The following LDLRAD4 variants were observed in gnomAD, a reference collection of about 807,000 sequenced individuals.
LDLRAD4 encodes low-density lipoprotein receptor class A domain-containing protein 4.
A neutral mutation model predicts 17.0 loss-of-function variants in LDLRAD4; 5 were observed. That is an observed-to-expected ratio of 0.29 (90% CI 0.15 to 0.62). LDLRAD4 has a LOEUF of 0.62. LDLRAD4 is among the 20% of genes least tolerant of loss of function. The pLI, the probability that LDLRAD4 is intolerant of heterozygous loss-of-function variation, is 0.84. For synonymous variants in LDLRAD4, 168 were observed against 171.8 expected (o/e 0.98, Z 0.17); for missense variants, 340 against 424.7 (o/e 0.80, Z 1.75).
At chr18:13,637,532 C>T (rs993238598) in intron 4 of LDLRAD4, among the ~76,000 whole-genome samples, 3 of 152,044 alleles carry the variant, frequency 2.0e-5, no homozygotes, top group Non-Finnish European at 4.4e-5. Flanking sequence ...AAGGAAATGT[C>T]AATGAACTTG....
chr18:13,643,514 C>G, intron 5 of LDLRAD4, 102 bp downstream of exon 6: 1 of 596,540 alleles, frequency 1.7e-6, no homozygotes, highest in Non-Finnish European at 2.6e-6. Flanking sequence ...AGGGGCCTCA[C>G]CACGTGGGCT....
At chr18:13,400,447 G>A (rs895880361) in intron 2 of LDLRAD4, among the ~76,000 whole-genome samples, 4 of 152,222 alleles carry the variant, frequency 2.6e-5, no homozygotes, top group African/African-American at 4.8e-5. Context: ...ACCTGTCATG[G>A]CACTGGGACT....
intron 1 of LDLRAD4, among the ~76,000 whole-genome samples, chr18:13,321,484 T>G (rs1431525779): frequency 6.6e-6 from 1 of 152,230 alleles, no homozygotes; most frequent in African/African-American, 2.4e-5. Flanking sequence ...TGTGTCCTCT[T>G]GTTTCTAGTC....
chr18:13,338,489 G>A (rs1490432793), intron 1 of LDLRAD4, among the ~76,000 whole-genome samples: 1 of 152,170 alleles, frequency 6.6e-6, no homozygotes, highest in Non-Finnish European at 1.5e-5. Flanking sequence ...CTTCAGTGTA[G>A]CGTTGGTGGA....
Position 13,560,186 on chromosome 18 carries a change from G to A in LDLRAD4, c.182-60931G>A, listed in dbSNP as rs144481472. On this transcript the variant is annotated intron_variant, in intron 3 of 5. Transcript: ENST00000359446. ...ATGGAATTATTTTCAGGGAATTGAA[G>A]CCCTAGAGGGTGTCCCCCTGCTTTT... is the stretch of plus-strand genomic sequence containing the variant. Among the ~76,000 whole-genome samples the A allele has an allele frequency of 2.6e-5, 4 of 152,290 alleles. No individual in the cohort carries two copies. In the East Asian group the frequency reaches 7.7e-4, roughly 29 times the overall value.
exon 6 of LDLRAD4, chr18:13,649,941 T>C (rs1568462484): frequency 5.0e-6 from 2 of 397,508 alleles, no homozygotes; most frequent in Non-Finnish European, 8.9e-6. Flanking sequence ...GAATGACAGG[T>C]GGGCAAAGGG....
intron 1 of LDLRAD4, among the ~76,000 whole-genome samples, chr18:13,370,097 G>A (rs546607268): frequency 2.6e-5 from 4 of 152,382 alleles, no homozygotes; most frequent in African/African-American, 9.6e-5. Flanking sequence ...CTGCCACACA[G>A]GGAGCTGTGT....
intron 1 of LDLRAD4, among the ~76,000 whole-genome samples, chr18:13,269,663 G>A (rs545396999): frequency 9.2e-5 from 14 of 152,086 alleles, no homozygotes; most frequent in Non-Finnish European, 1.3e-4. Flanking sequence ...CGAGCTGTCC[G>A]ACGTCATGTG....
chr18:13,536,988 G>GTAT (rs2094209705), intron 3 of LDLRAD4, among the ~76,000 whole-genome samples: 2 of 152,208 alleles, frequency 1.3e-5, no homozygotes, highest in South Asian at 4.1e-4. Context: ...TGGCCATGAT[G>GTAT]TATTATTCCT....
Position 13,387,750 on chromosome 18 carries a change from A to G in LDLRAD4, c.28A>G (p.Asn10Asp), listed in dbSNP as rs1027964038. ...GCCGGAAGCTGGTTTTCAGGCCACA[A>G]ATGCTTTCACAGGTGAGCATGCTCC... Residue 10 changes from asparagine (N) to aspartate (D), a missense_variant, in exon 2 of 6, where the codon AAT becomes GAT. Physicochemically the swap from Asn to Asp is conservative, Grantham distance 23. Coordinates refer to ENST00000359446, the Ensembl canonical transcript of LDLRAD4. The G allele has an allele frequency of 9.9e-6, 16 of 1,613,966 alleles. No individual in the cohort carries two copies. Among genetic ancestry groups the G allele is most frequent in the Middle Eastern group, 3.3e-4 (2 of 6,062 alleles).
chr18:13,427,194 A>G (rs1427241408), intron 2 of LDLRAD4, among the ~76,000 whole-genome samples: 2 of 151,996 alleles, frequency 1.3e-5, no homozygotes, highest in African/African-American at 4.8e-5. Context: ...CAATAAATAA[A>G]TAAACAAACA....
intron 3 of LDLRAD4, among the ~76,000 whole-genome samples, chr18:13,564,157 T>C (rs2094569650): frequency 6.6e-6 from 1 of 152,248 alleles, no homozygotes; most frequent in Admixed American, 6.5e-5. Context: ...GTTGGTATTA[T>C]AGGCGTGAGT....
rs549899866 is a variant in LDLRAD4, at chr18:13,456,815, A to G, written c.181+18431A>G. On this transcript the variant is annotated intron_variant, in intron 3 of 5. Transcript: ENST00000359446. ...TGAGCCCCAGCTTCAGGCTCAGTAA[A>G]TCATAGGTCAGCAGAACAATGCCAC... 7.2e-5 allele frequency among the ~76,000 whole-genome samples: 11 copies of G among 152,372 alleles called. No homozygotes were observed. The South Asian group carries it at 2.3e-3, about 32-fold the overall frequency.
chr18:13,540,482 C>G (rs1290205406), intron 3 of LDLRAD4, among the ~76,000 whole-genome samples: 2 of 152,136 alleles, frequency 1.3e-5, no homozygotes, highest in Non-Finnish European at 2.9e-5. Context: ...TCTTCTTCTT[C>G]AGGTACATCC....
At chr18:13,431,113 T>G (rs1229423817) in intron 2 of LDLRAD4, among the ~76,000 whole-genome samples, 1 of 152,210 alleles carries the variant, frequency 6.6e-6, no homozygotes, top group African/African-American at 2.4e-5. Context: ...TAAAATAGGA[T>G]TTTTATTGTG....
Position 13,270,403 on chromosome 18 carries a change from T to C in LDLRAD4, c.-466-7702T>C, listed in dbSNP as rs1004175607. ...AAAAAAGAAAAGGAAATGTAGAACC[T>C]TGGGGCTCACTACAGATGTGTAGAG... is the stretch of plus-strand genomic sequence containing the variant. On this transcript the variant is annotated intron_variant, in intron 1 of 5. Coordinates refer to the LDLRAD4 transcript ENST00000399848. Among the ~76,000 whole-genome samples, 12 of 151,738 alleles carry C rather than the reference T, an allele frequency of 7.9e-5. 1 individual carries two copies. Among genetic ancestry groups the C allele is most frequent in the Admixed American group, 7.9e-4 (12 of 15,224 alleles).
At chr18:13,642,110 C>G in intron 4 of LDLRAD4, 1 of 985,532 alleles carries the variant, frequency 1.0e-6, no homozygotes. Flanking sequence ...CCCTTCGTCT[C>G]CGAGCAGCTG....
At chr18:13,452,432 C>T (rs534653875) in intron 3 of LDLRAD4, among the ~76,000 whole-genome samples, 1 of 152,146 alleles carries the variant, frequency 6.6e-6, no homozygotes, top group East Asian at 1.9e-4. Context: ...GTGGTGGGTG[C>T]ACTAGAGAGA....
chr18:13,364,759 G>A (rs750191776), intron 1 of LDLRAD4, among the ~76,000 whole-genome samples: 14 of 152,188 alleles, frequency 9.2e-5, no homozygotes, highest in Non-Finnish European at 1.3e-4. Context: ...GGCTGGCGAT[G>A]CTGTGAGTGG....
Sources: allele counts gnomAD v4.1 joint callset (sites outside exome capture counted in the v4.1 genomes callset), GRCh38; gene constraint gnomAD v4.1.1; transcripts MANE v1.5; gene names NCBI Gene and HGNC (gene_info 2026-07-23, HGNC 2026-07-21).